Variants in SOX5 observed in about 807,000 individuals in gnomAD.
SOX5 encodes transcription factor SOX-5.
In SOX5, 9 loss-of-function variants were observed where a neutral mutation model predicts 92.0. The observed-to-expected ratio is 0.10, with a 90% CI of 0.06 to 0.17. The LOEUF is 0.17. SOX5 is among the 10% of genes least tolerant of loss of function. The pLI is 1.00. For missense variants in SOX5, 642 were observed against 944.5 expected (o/e 0.68, Z 4.20); for synonymous variants, 344 against 336.3 (o/e 1.02, Z -0.25).
chr12:24,475,563 C>T (rs1377032052), intron 1 of SOX5, among the ~76,000 whole-genome samples: 1 of 152,210 alleles, frequency 6.6e-6, no homozygotes, highest in Non-Finnish European at 1.5e-5. Flanking sequence ...TTGGCTCTGA[C>T]CATCCTCGGC....
chr12:23,642,270 T>G (rs980027511), intron 7 of SOX5, among the ~76,000 whole-genome samples: 1 of 152,166 alleles, frequency 6.6e-6, no homozygotes, highest in African/African-American at 2.4e-5. Flanking sequence ...GATCTACCTC[T>G]CTGGATCTGG....
At chr12:24,203,032 G>A (rs1403017799) in intron 4 of SOX5, among the ~76,000 whole-genome samples, 2 of 152,134 alleles carry the variant, frequency 1.3e-5, no homozygotes, top group Admixed American at 1.3e-4. Context: ...TATGACTGTG[G>A]TGTTTACCAA....
chr12:23,544,187 C>T (rs1174598955), intron 12 of SOX5, among the ~76,000 whole-genome samples: 1 of 152,150 alleles, frequency 6.6e-6, no homozygotes, highest in African/African-American at 2.4e-5. Context: ...CAGTAAGATT[C>T]ACAGATGATA....
At chr12:24,302,831 T>C (rs904764819) in intron 2 of SOX5, among the ~76,000 whole-genome samples, 1 of 151,954 alleles carries the variant, frequency 6.6e-6, no homozygotes, top group African/African-American at 2.4e-5. Flanking sequence ...ATGGGACATA[T>C]CAAAAGCCAT....
intron 1 of SOX5, among the ~76,000 whole-genome samples, chr12:24,490,844 C>T (rs1946990424): frequency 6.6e-6 from 1 of 152,056 alleles, no homozygotes; most frequent in Non-Finnish European, 1.5e-5. Context: ...TCCTTTTATG[C>T]CTCTTTTAAA....
At chr12:24,396,511 C>T (rs952510301) in intron 1 of SOX5, among the ~76,000 whole-genome samples, 4 of 152,228 alleles carry the variant, frequency 2.6e-5, no homozygotes, top group Non-Finnish European at 4.4e-5. Flanking sequence ...ATTGTTCATG[C>T]TGGCACGGCT....
intron 1 of SOX5, among the ~76,000 whole-genome samples, chr12:24,428,937 G>A (rs1263957549): frequency 6.6e-6 from 1 of 152,020 alleles, no homozygotes; most frequent in African/African-American, 2.4e-5. Flanking sequence ...TCTTGGACAA[G>A]TTGTGTGGTC....
intron 4 of SOX5, among the ~76,000 whole-genome samples, chr12:24,032,410 T>C (rs980811174): frequency 1.4e-4 from 21 of 151,930 alleles, no homozygotes; most frequent in Admixed American, 1.2e-3. Flanking sequence ...ATTTCACCTA[T>C]AATATAATCA....
intron 1 of SOX5, among the ~76,000 whole-genome samples, chr12:24,501,121 A>G (rs1948152979): frequency 6.6e-6 from 1 of 152,198 alleles, no homozygotes; most frequent in African/African-American, 2.4e-5. Context: ...CAAGGCAGAG[A>G]CTGTGCCACA....
intron 4 of SOX5, among the ~76,000 whole-genome samples, chr12:23,959,970 T>A (rs1946706056): frequency 6.6e-6 from 1 of 152,184 alleles, no homozygotes; most frequent in Non-Finnish European, 1.5e-5. Flanking sequence ...TTCCTACACC[T>A]ATTGACTTTA....
intron 10 of SOX5, among the ~76,000 whole-genome samples, chr12:23,574,615 T>G (rs750569217): frequency 2.6e-5 from 4 of 152,234 alleles, no homozygotes; most frequent in Non-Finnish European, 5.9e-5. Context: ...TTGTCCTACA[T>G]GTAAACAATG....
rs187165229 is a variant in SOX5 at position 24,351,208 on chromosome 12, T to A, written c.-174+17355A>T. 9.6e-3 allele frequency among the ~76,000 whole-genome samples: 1,466 copies of A among 152,294 alleles called. 22 individuals carry two copies. The highest frequency in any genetic ancestry group is 0.034 in the African/African-American group (1,412 of 41,552). On this transcript the variant is annotated intron_variant, in intron 2 of 4. Coordinates refer to the SOX5 transcript ENST00000446891. ...TACATACCATCTATCTACTGTCTTG[T>A]AGAGTATCTAGATTAAATTAAAATT...
chr12:24,196,656 C>T lies in SOX5; in HGVS notation c.-2+16687G>A, dbSNP rs143359001. Among the ~76,000 whole-genome samples the T allele has an allele frequency of 2.0e-3, 308 of 152,264 alleles. 2 individuals carry two copies. The highest frequency in any genetic ancestry group is 6.7e-3 in the African/African-American group (279 of 41,564). On this transcript the variant is annotated intron_variant, in intron 4 of 4. Coordinates refer to the SOX5 transcript ENST00000446891. ...CGGTGGCTCATGCCTATAATCCCAA[C>T]ACATTGGGAGGCCAATGAGGGCTGT...
intron 9 of SOX5, among the ~76,000 whole-genome samples, chr12:23,596,701 C>T (rs1053331750): frequency 2.0e-5 from 3 of 151,988 alleles, no homozygotes; most frequent in African/African-American, 7.2e-5. Context: ...ATAAATGATT[C>T]CCCCCAAAAA....
At chr12:23,619,270 T>G (rs753412961) in intron 8 of SOX5, among the ~76,000 whole-genome samples, 1 of 152,158 alleles carries the variant, frequency 6.6e-6, no homozygotes, top group Admixed American at 6.6e-5. Flanking sequence ...GGACAGAGAA[T>G]AACAGCAGCA....
intron 4 of SOX5, among the ~76,000 whole-genome samples, chr12:24,002,292 A>G (rs1029873065): frequency 3.9e-5 from 6 of 152,118 alleles, no homozygotes; most frequent in Non-Finnish European, 8.8e-5. Context: ...AAAAAGATCA[A>G]TAAAATTGAC....
chr12:23,899,890 C>A (rs374543290), intron 1 of SOX5, among the ~76,000 whole-genome samples: 3 of 152,112 alleles, frequency 2.0e-5, no homozygotes, highest in East Asian at 1.9e-4. Flanking sequence ...AGAATAAATA[C>A]TAATGAAAGA....
At chr12:23,595,309 A>C (rs1182173074) in intron 9 of SOX5, among the ~76,000 whole-genome samples, 4 of 152,040 alleles carry the variant, frequency 2.6e-5, no homozygotes, top group Non-Finnish European at 1.5e-5. Flanking sequence ...ACCACACATG[A>C]AATCTGAAGA....
intron 11 of SOX5, among the ~76,000 whole-genome samples, chr12:23,557,178 A>ACAAT (rs1945327179): frequency 6.6e-6 from 1 of 152,220 alleles, no homozygotes; most frequent in South Asian, 2.1e-4. Context: ...ACCTTTACTT[A>ACAAT]CAATCAGCCT....
Sources: gnomAD v4.1 joint callset for allele counts (sites outside exome capture counted in the v4.1 genomes callset) on GRCh38, gnomAD v4.1.1 for gene constraint, MANE v1.5 for transcripts, NCBI Gene and HGNC (gene_info 2026-07-23, HGNC 2026-07-21) for gene names.